Variants in CLCC1 observed in about 807,000 individuals in gnomAD.
The protein encoded by CLCC1 is chloride channel CLIC-like protein 1.
A neutral mutation model predicts 63.3 loss-of-function variants in CLCC1; 39 were observed. The observed-to-expected ratio is 0.62, with a 90% CI of 0.48 to 0.81. The LOEUF is 0.81. Among genes scored for constraint, CLCC1 ranks in the 30% least tolerant of loss-of-function variants. The probability of loss-of-function intolerance (pLI) is 0.00; values close to 1 mark genes in which losing one functional copy is unlikely to be tolerated. For synonymous variants in CLCC1, 217 were observed against 239.8 expected (o/e 0.90, Z 0.88); for missense variants, 549 against 669.4 (o/e 0.82, Z 1.98).
At chr1:108,960,746 T>C (rs1252510351) in intron 2 of CLCC1, among the ~76,000 whole-genome samples, 1 of 152,062 alleles carries the variant, frequency 6.6e-6, no homozygotes, top group Non-Finnish European at 1.5e-5. Context: ...TTTCTAACAC[T>C]GTGAGGAGGT....
At chr1:108,950,607 CA>C (rs1571060924) in intron 2 of CLCC1, among the ~76,000 whole-genome samples, 159 bp from the exon 3 acceptor site, 2 of 152,118 alleles carry the variant, frequency 1.3e-5, no homozygotes, top group East Asian at 3.9e-4. Context: ...GTGCATCCTC[CA>C]ACTCCTGGGC....
At chr1:108,944,091 AAG>A (rs776409107) in intron 5 of CLCC1, 34 bp from the exon 6 acceptor site, 3 of 1,478,736 alleles carry the variant, frequency 2.0e-6, no homozygotes, top group South Asian at 1.3e-5. Flanking sequence ...AAACAATAGA[AAG>A]AGAATTTTAT....
At chr1:108,932,577 T>G (rs1286062618) in intron 12 of CLCC1, 76 bp from the exon 13 acceptor site, 1 of 152,250 alleles carries the variant, frequency 6.6e-6, no homozygotes, top group East Asian at 1.9e-4. Flanking sequence ...TTAAAAGGCA[T>G]GCAAGCAGCA....
intron 7 of CLCC1, 125 bp from the exon 8 acceptor site, chr1:108,941,623 T>A: frequency 2.0e-6 from 1 of 496,826 alleles, no homozygotes; most frequent in Non-Finnish European, 3.4e-6. Flanking sequence ...TATAAATTTT[T>A]AATTAAAAAA....
In CLCC1 at chr1:108,955,749, C is replaced by T. The variant is rs557228580; in HGVS notation, c.-11-5301G>A. Reference sequence around the variant, plus strand: ...AAAAAAGAGAAAAGGAATTTCTTTTCTCTCCTGGAGCAGGGACACCCTTCT... The same window carrying T: ...AAAAAAGAGAAAAGGAATTTCTTTTTTCTCCTGGAGCAGGGACACCCTTCT... On this transcript the variant is annotated intron_variant, in intron 2 of 12. Transcript: ENST00000369969. Among the ~76,000 whole-genome samples the T allele has an allele frequency of 1.9e-3, 283 of 151,582 alleles. 14 individuals carry two copies. The highest frequency in any genetic ancestry group is 6.7e-3 in the African/African-American group (274 of 40,848).
At position 108,931,668 on chromosome 1, in the gene CLCC1, A is replaced by G. The variant is rs1019926011; in HGVS notation, c.*879T>C. 1 of 825,784 alleles carries G rather than the reference A, an allele frequency of 1.2e-6. No homozygotes were observed. Among genetic ancestry groups the G allele is most frequent in the African/African-American group, 1.7e-5 (1 of 57,310 alleles). 51.2% of individuals were successfully genotyped at this position (825,784 alleles called of 1,614,324 possible). A position where few individuals can be genotyped will look rare whatever the true frequency, so the allele number is the denominator to read the frequency against. On this transcript the variant is annotated 3_prime_UTR_variant, in exon 13 of 13. Coordinates refer to ENST00000369969, the MANE Select transcript of CLCC1 (RefSeq NM_001377458.1). ...AGTTCTAAATTACAACCTGGATTAC[A>G]TTATGTTTCATGTATACTATAAGGT...
In CLCC1 at chr1:108,931,240, C is replaced by G. The variant is rs578225564; in HGVS notation, c.*1307G>C. Reference sequence around the variant, plus strand: ...CAAACAGAAAACAGATGAAAACTCACAAAAATTAAATATGAAAGAAAGATG... The same window carrying G: ...CAAACAGAAAACAGATGAAAACTCAGAAAAATTAAATATGAAAGAAAGATG... On this transcript the variant is annotated 3_prime_UTR_variant, in exon 13 of 13. Coordinates refer to ENST00000369969, the MANE Select transcript of CLCC1 (RefSeq NM_001377458.1). The G allele has an allele frequency of 7.1e-7, 1 of 1,410,554 alleles. No homozygotes were observed. Among genetic ancestry groups the G allele is most frequent in the South Asian group, 1.5e-5 (1 of 66,662 alleles). 87.4% of individuals were successfully genotyped at this position (1,410,554 alleles called of 1,614,324 possible).
At chr1:108,963,174 G>C (rs1656892534) in intron 1 of CLCC1, among the ~76,000 whole-genome samples, 187 bp downstream of exon 1, 1 of 152,334 alleles carries the variant, frequency 6.6e-6, no homozygotes, top group South Asian at 2.1e-4. Flanking sequence ...GCCGGCGCGG[G>C]AGCTGAGGTA....
In CLCC1 at chr1:108,931,029, G is replaced by GTGAC. The variant is rs1651862403; in HGVS notation, c.*1514_*1517dup. ...ATCGTGCCACTGCACTCCAGCCTGG[G>GTGAC]TGACAGAGCAAGACCCTGTCTCTAG... On this transcript the variant is annotated 3_prime_UTR_variant, in exon 13 of 13. Transcript: ENST00000369969. The GTGAC allele has an allele frequency of 4.7e-6, 1 of 212,266 alleles. No individual in the cohort carries two copies. Among genetic ancestry groups the GTGAC allele is most frequent in the African/African-American group, 2.4e-5 (1 of 42,356 alleles). The allele number at this position is 212,266 out of a possible 1,614,324, so 13.1% of individuals were successfully genotyped here.
chr1:108,954,502 A>AAAC (rs1417511292), intron 2 of CLCC1, among the ~76,000 whole-genome samples: 1 of 150,986 alleles, frequency 6.6e-6, no homozygotes, highest in African/African-American at 2.5e-5. Flanking sequence ...TCGGTCTCAA[A>AAAC]AACAACAACA....
At chr1:108,934,459 A>G in intron 12 of CLCC1, 166 bp downstream of exon 12, 3 of 537,560 alleles carry the variant, frequency 5.6e-6, no homozygotes, top group Non-Finnish European at 9.6e-6. Flanking sequence ...GTAAATATCA[A>G]AGAGAAGATG....
At chr1:108,951,740 T>C (rs1214070044) in intron 2 of CLCC1, among the ~76,000 whole-genome samples, 1 of 151,558 alleles carries the variant, frequency 6.6e-6, no homozygotes, top group Non-Finnish European at 1.5e-5. Flanking sequence ...TACATGCAAA[T>C]ATACCCAAAA....
chr1:108,931,444 T>C lies in CLCC1; in HGVS notation c.*1103A>G, dbSNP rs1193425254. ...TGCAAAGGCCCACGCTTGGAACAAGTTGCCAACTTGTTTCACTCTGCTTGC... is the reference window on the plus strand; with the variant it reads ...TGCAAAGGCCCACGCTTGGAACAAGCTGCCAACTTGTTTCACTCTGCTTGC... On this transcript the variant is annotated 3_prime_UTR_variant, in exon 13 of 13. Coordinates refer to ENST00000369969, the MANE Select transcript of CLCC1 (RefSeq NM_001377458.1). The C allele has an allele frequency of 5.8e-6, 9 of 1,550,772 alleles. No homozygotes were observed. Among genetic ancestry groups the C allele is most frequent in the African/African-American group, 1.4e-5 (1 of 73,018 alleles).
At position 108,934,725 on chromosome 1, in the gene CLCC1, G is replaced by T. The variant is rs766360591; in HGVS notation, c.1601C>A (p.Ala534Glu). ...TCCACGTGGTCCAGCCACACCTCTT[G>T]CGGGGCTGTATGTGCTGCCTTGGTC... ...SPDQGSTYSP[A>E]RGVAGPRGQD... Residue 534 changes from alanine (A) to glutamate (E), a missense_variant, in exon 12 of 13, where the codon GCA (alanine) becomes GAA (glutamate). By Grantham distance (107) the Ala-to-Glu change is moderately radical. Coordinates refer to ENST00000369969, the MANE Select transcript of CLCC1 (RefSeq NM_001377458.1). 3.1e-6 allele frequency: 5 copies of T among 1,614,020 alleles called. No homozygotes were observed. In the South Asian group the frequency reaches 3.3e-5, roughly 11 times the overall value.
At chr1:108,962,648 C>T (rs949112711) in intron 1 of CLCC1, among the ~76,000 whole-genome samples, 179 bp from the exon 2 acceptor site, 1 of 152,144 alleles carries the variant, frequency 6.6e-6, no homozygotes, top group Non-Finnish European at 1.5e-5. Context: ...ATGGGAAGAT[C>T]CTTTGAGCCC....
chr1:108,941,738 C>T (rs1035492741), intron 7 of CLCC1, among the ~76,000 whole-genome samples: 5 of 152,156 alleles, frequency 3.3e-5, no homozygotes, highest in Admixed American at 6.5e-5. Context: ...ACTGCAACCA[C>T]CACCTCCCGG....
Position 108,930,938 on chromosome 1 carries a change from A to G in CLCC1, c.*1609T>C. ...ATGCTGGCACACACCTGTAGTCCCA[A>G]CTGCTTAAGAGGCTGAGGCAGGAGG... On this transcript the variant is annotated 3_prime_UTR_variant, in exon 13 of 13. Transcript: ENST00000369969. 1 of 157,178 alleles carries G rather than the reference A, an allele frequency of 6.4e-6. No homozygotes were observed. Among genetic ancestry groups the G allele is most frequent in the South Asian group, 1.9e-4 (1 of 5,398 alleles). The allele number at this position is 157,178 out of a possible 1,614,324, so 9.7% of individuals were successfully genotyped here.
At chr1:108,944,431 T>C (rs1377903223) in intron 5 of CLCC1, among the ~76,000 whole-genome samples, 7 of 151,792 alleles carry the variant, frequency 4.6e-5, no homozygotes, top group Non-Finnish European at 2.9e-5. Flanking sequence ...AGCATACCAC[T>C]GCACTCCAGC....
At chr1:108,932,685 T>C (rs1290662319) in intron 12 of CLCC1, 184 bp from the exon 13 acceptor site, 1 of 152,230 alleles carries the variant, frequency 6.6e-6, no homozygotes, top group East Asian at 1.9e-4. Context: ...TGGGGGCATA[T>C]TCCCCAAGTC....
Sources: gnomAD v4.1 joint callset for allele counts (sites outside exome capture counted in the v4.1 genomes callset) on GRCh38, gnomAD v4.1.1 for gene constraint, MANE v1.5 for transcripts, NCBI Gene and HGNC (gene_info 2026-07-23, HGNC 2026-07-21) for gene names.